Variants in ST6GALNAC6 observed in about 807,000 individuals in gnomAD.
ST6GALNAC6 encodes alpha-N-acetylgalactosaminide alpha-2,6-sialyltransferase 6.
In ST6GALNAC6, 19 loss-of-function variants were observed where a neutral mutation model predicts 34.3. The observed-to-expected ratio is 0.55, with a 90% CI of 0.39 to 0.81. The LOEUF is 0.81. Ranked by LOEUF, ST6GALNAC6 falls within the 40% of genes least tolerant of loss-of-function variation. The pLI, the probability that ST6GALNAC6 is intolerant of heterozygous loss-of-function variation, is 0.00. For synonymous variants in ST6GALNAC6, 185 were observed against 182.1 expected (o/e 1.02, Z -0.13); for missense variants, 377 against 467.7 (o/e 0.81, Z 1.79).
upstream of ST6GALNAC6, among the ~76,000 whole-genome samples, chr9:127,902,121 G>A (rs1830778432): frequency 6.6e-6 from 1 of 152,056 alleles, no homozygotes. Flanking sequence ...AAATAAATAA[G>A]GAAATGCCTT....
At chr9:127,904,683 G>T (rs1830868489) in intron 1 of ST6GALNAC6, 1 of 152,330 alleles carries the variant, frequency 6.6e-6, no homozygotes, top group East Asian at 1.9e-4. Context: ...CTTTTGTCTG[G>T]GGGAGGGGCT....
chr9:127,887,443 C>G, intron 6 of ST6GALNAC6, 41 bp downstream of exon 6: 2 of 1,560,370 alleles, frequency 1.3e-6, no homozygotes, highest in Non-Finnish European at 1.8e-6. Context: ...CGGCCAGTGC[C>G]TGGGTGTTGT....
chr9:127,897,825 C>A, intron 2 of ST6GALNAC6, 131 bp downstream of exon 2: 1 of 1,564,442 alleles, frequency 6.4e-7, no homozygotes, highest in Non-Finnish European at 8.7e-7. Context: ...CACTTTCCCA[C>A]CTTTGCCCGA....
Position 127,890,552 on chromosome 9 carries a change from A to G in ST6GALNAC6, c.704+85T>C. The G allele has an allele frequency of 1.9e-6, 3 of 1,586,522 alleles. No homozygotes were observed. Among genetic ancestry groups the G allele is most frequent in the Non-Finnish European group, 2.6e-6 (3 of 1,162,864 alleles). On this transcript the variant is annotated intron_variant, in intron 5 of 6. Transcript: ENST00000373146. This position sits in a 1 kb window ranked among gnomAD's most constrained non-coding sequence, Gnocchi z 4.3. ...ACTTGACTACCCCTCAGAGCAGTGC[A>G]TGCTGGGAGCAACAGGCCCTCTGGA...
chr9:127,886,594 G>A lies in ST6GALNAC6; in HGVS notation c.*5C>T. 4 of 1,613,804 alleles carry A rather than the reference G, an allele frequency of 2.5e-6. No homozygotes were observed. The highest frequency in any genetic ancestry group is 2.2e-5 in the South Asian group (2 of 91,060). On this transcript the variant is annotated 3_prime_UTR_variant, in exon 7 of 7. Coordinates refer to ENST00000373146, the MANE Select transcript of ST6GALNAC6 (RefSeq NM_013443.5). ...ACCCTCCTGAGGTCCCACAGGCTGGGTGGCCTAGGTCCAGGAGGGGTGGGA... is the reference window on the plus strand; with the variant it reads ...ACCCTCCTGAGGTCCCACAGGCTGGATGGCCTAGGTCCAGGAGGGGTGGGA...
At chr9:127,898,471 C>T (rs866327285) in intron 1 of ST6GALNAC6, among the ~76,000 whole-genome samples, 29 of 152,208 alleles carry the variant, frequency 1.9e-4, no homozygotes, top group Middle Eastern at 3.2e-3. Context: ...ACAATGCCAA[C>T]AGCTGTTAGT....
upstream of ST6GALNAC6, among the ~76,000 whole-genome samples, chr9:127,906,310 G>A (rs958897373): frequency 2.0e-5 from 3 of 152,184 alleles, no homozygotes; most frequent in African/African-American, 7.2e-5. Flanking sequence ...CAACAGCAGA[G>A]CATTAGCATA....
At chr9:127,905,603 C>A (rs1414871666), upstream of ST6GALNAC6, among the ~76,000 whole-genome samples, 1 of 152,138 alleles carries the variant, frequency 6.6e-6, no homozygotes. Context: ...GGGAGACAAC[C>A]AATGGGGCAG....
At chr9:127,888,487 G>A (rs1342312055) in intron 5 of ST6GALNAC6, among the ~76,000 whole-genome samples, 1 of 138,188 alleles carries the variant, frequency 7.2e-6, no homozygotes, top group African/African-American at 2.8e-5. Context: ...CTGGGCAACA[G>A]AGTGAGACTC....
upstream of ST6GALNAC6, chr9:127,905,525 G>T: frequency 2.5e-6 from 2 of 790,606 alleles, no homozygotes; most frequent in Non-Finnish European, 3.1e-6. Flanking sequence ...CCAGGAGAGA[G>T]TGGAGTTCAA....
intron 2 of ST6GALNAC6, chr9:127,897,482 T>G: frequency 1.1e-6 from 1 of 931,532 alleles, no homozygotes. Context: ...CCCCGCCCCC[T>G]CTCCAACCCC....
Position 127,888,579 on chromosome 9 carries a change from C to T in ST6GALNAC6, c.705-988G>A, listed in dbSNP as rs1005348071. ...ATCCCAGCACTTTGGGAGGCCAAGG[C>T]GGGCAGATCACGAAGTCAAGAGATT... On this transcript the variant is annotated intron_variant, in intron 5 of 6. Transcript: ENST00000373146. Among the ~76,000 whole-genome samples, 22 of 150,148 alleles carry T rather than the reference C, an allele frequency of 1.5e-4. 1 individual carries two copies. Among genetic ancestry groups the T allele is most frequent in the Admixed American group, 4.7e-4 (7 of 15,034 alleles).
At chr9:127,895,552 G>A (rs182541944) in intron 3 of ST6GALNAC6, among the ~76,000 whole-genome samples, 1 of 152,322 alleles carries the variant, frequency 6.6e-6, no homozygotes, top group Non-Finnish European at 1.5e-5. Flanking sequence ...CAGCCTTTAT[G>A]GGGGCAGGGG....
At chr9:127,896,884 CCTCA>C in intron 2 of ST6GALNAC6, 3 of 985,418 alleles carry the variant, frequency 3.0e-6, no homozygotes, top group Non-Finnish European at 3.6e-6. Flanking sequence ...CCACCCAGGT[CCTCA>C]CTCAGTTTCC....
At chr9:127,905,805 G>T (rs553448395), upstream of ST6GALNAC6, 1 of 336,476 alleles carries the variant, frequency 3.0e-6, no homozygotes, top group East Asian at 1.7e-4. Flanking sequence ...CCAGAGAGGG[G>T]TACTAATCTG....
chr9:127,886,389 C>A lies in ST6GALNAC6; in HGVS notation c.*210G>T. On this transcript the variant is annotated 3_prime_UTR_variant, in exon 7 of 7. Coordinates refer to ENST00000373146, the MANE Select transcript of ST6GALNAC6 (RefSeq NM_013443.5). ...GACCCTGACTGCACAAGAAAGACAC[C>A]CCTGATTAACCGCATAGACTCCCAA... 7.1e-7 allele frequency: 1 copy of A among 1,409,232 alleles called. No homozygotes were observed. The highest frequency in any genetic ancestry group is 9.3e-7 in the Non-Finnish European group (1 of 1,074,880). 87.3% of individuals were successfully genotyped at this position (1,409,232 alleles called of 1,614,324 possible). A position where few individuals can be genotyped will look rare whatever the true frequency, so the allele number is the denominator to read the frequency against.
In ST6GALNAC6 at chr9:127,899,540, G is replaced by GC. The variant is rs1240010062; in HGVS notation, c.-68dup. 3.1e-6 allele frequency: 3 copies of GC among 981,008 alleles called. No individual in the cohort carries two copies. Among genetic ancestry groups the GC allele is most frequent in the Non-Finnish European group, 3.6e-6 (3 of 828,158 alleles). 60.8% of individuals were successfully genotyped at this position (981,008 alleles called of 1,614,324 possible). On this transcript the variant is annotated 5_prime_UTR_variant, in exon 1 of 7. Transcript: ENST00000373146. ...GCGCCCGGCCCCCCGCGGCCCCCGA[G>GC]CCCCCTCACATGGCGCCGGGAGCCG...
chr9:127,900,902 T>A (rs1285051294), upstream of ST6GALNAC6, among the ~76,000 whole-genome samples: 2 of 141,914 alleles, frequency 1.4e-5, no homozygotes, highest in East Asian at 2.2e-4. Context: ...GAGAATCACT[T>A]GAACCCAGGA....
intron 3 of ST6GALNAC6, 69 bp from the exon 4 acceptor site, chr9:127,894,760 C>T: frequency 1.3e-6 from 2 of 1,554,354 alleles, no homozygotes; most frequent in Non-Finnish European, 1.8e-6. Context: ...TCCTTGCCAC[C>T]TACCATGCCT....
Sources: gnomAD v4.1 joint callset for allele counts (sites outside exome capture counted in the v4.1 genomes callset) on GRCh38, gnomAD v4.1.1 for gene constraint, Gnocchi (gnomAD v3.1) non-coding constraint, MANE v1.5 for transcripts, NCBI Gene and HGNC (gene_info 2026-07-23, HGNC 2026-07-21) for gene names.